USP37: variants seen among roughly 807,000 people sequenced by gnomAD.
The protein encoded by USP37 is ubiquitin specific peptidase 37, also known as ubiquitin carboxyl-terminal hydrolase 37.
A neutral mutation model predicts 124.0 loss-of-function variants in USP37; 27 were observed. The ratio of observed to expected loss-of-function variants is 0.22; its 90% confidence interval spans 0.16 to 0.30. USP37 has a LOEUF of 0.30. USP37 is among the 10% of genes least tolerant of loss of function. USP37 has a pLI of 1.00. For missense variants in USP37, 889 were observed against 1,140.4 expected, an observed-to-expected ratio of 0.78 and a Z score of 3.17; for synonymous variants, 365 against 388.0, an observed-to-expected ratio of 0.94 and a Z score of 0.70.
rs1055113228 is a variant in USP37 at position 218,469,955 on chromosome 2, G to C, written c.2300-3779C>G. ...CCTGCCTCAGCCTCCCAAGTAGCTG[G>C]GACTACAGGCGACCGCCACCATGCC... On this transcript the variant is annotated intron_variant, in intron 20 of 25. Transcript: ENST00000258399. 2.6e-5 allele frequency among the ~76,000 whole-genome samples: 4 copies of C among 151,832 alleles called. No homozygotes were observed. The East Asian group carries it at 7.7e-4, about 29-fold the overall frequency.
At position 218,455,106 on chromosome 2, in the gene USP37, A is replaced by G. The variant is rs1574827476; in HGVS notation, c.2853-89T>C. ...GGAGAAAAAGTAAAATAAAATTGAT[A>G]TGGATAAGGCCTTCACAATTCCATT... On this transcript the variant is annotated intron_variant, in intron 25 of 25. Coordinates refer to ENST00000258399, the MANE Select transcript of USP37 (RefSeq NM_020935.3). 4.8e-6 allele frequency: 7 copies of G among 1,462,856 alleles called. No individual in the cohort carries two copies. In the East Asian group the frequency reaches 1.6e-4, roughly 33 times the overall value. 90.6% of individuals were successfully genotyped at this position (1,462,856 alleles called of 1,614,324 possible). A position where few individuals can be genotyped will look rare whatever the true frequency, so the allele number is the denominator to read the frequency against.
chr2:218,463,530 CTTT>C (rs778154896), intron 21 of USP37, among the ~76,000 whole-genome samples, 164 bp from the exon 22 acceptor site: 5 of 99,098 alleles, frequency 5.0e-5, no homozygotes, highest in Admixed American at 1.1e-4. Context: ...AAGTTCTTTA[CTTT>C]TTTTTTTTTT....
At chr2:218,567,070 T>A (rs988913276) in intron 1 of USP37, among the ~76,000 whole-genome samples, 2 of 152,070 alleles carry the variant, frequency 1.3e-5, no homozygotes, top group Non-Finnish European at 2.9e-5. Flanking sequence ...GAAATAACAA[T>A]TTTTAAGTCA....
At chr2:218,495,543 T>C (rs112028940) in intron 14 of USP37, among the ~76,000 whole-genome samples, 25 of 152,300 alleles carry the variant, frequency 1.6e-4, no homozygotes, top group African/African-American at 5.5e-4. Context: ...TAAAAATTCA[T>C]TACTCGGGAG....
At chr2:218,565,187 T>G (rs1047511680) in intron 1 of USP37, among the ~76,000 whole-genome samples, 33 of 152,368 alleles carry the variant, frequency 2.2e-4, no homozygotes, top group Non-Finnish European at 8.8e-5. Flanking sequence ...TCTCCCGCAA[T>G]GCTGGGATTA....
intron 7 of USP37, among the ~76,000 whole-genome samples, chr2:218,546,559 T>C (rs1026269259): frequency 1.3e-5 from 2 of 152,132 alleles, no homozygotes; most frequent in African/African-American, 2.4e-5. Flanking sequence ...GCTGGGACTA[T>C]AGGCGTGTGC....
chr2:218,546,267 C>G lies in USP37; in HGVS notation c.634G>C (p.Gly212Arg). Residue 212 changes from glycine to arginine, a missense_variant, in exon 8 of 26, where the codon GGC (glycine) becomes CGC (arginine). By Grantham distance (125) the Gly-to-Arg change is moderately radical (BLOSUM62 -2). Coordinates refer to ENST00000258399, the MANE Select transcript of USP37 (RefSeq NM_020935.3). ...TEKRKRMIST[G>R]SELNEDYPKE... is the part of the protein sequence containing the mutation. ...GGGTAATCTTCATTCAATTCTGAGC[C>G]AGTTGATATCATTCTTTTCCTCTTT... The G allele has an allele frequency of 6.2e-7, 1 of 1,613,140 alleles. No homozygotes were observed. Among genetic ancestry groups the G allele is most frequent in the Non-Finnish European group, 8.5e-7 (1 of 1,179,802 alleles).
chr2:218,492,107 G>A (rs1030757351), intron 14 of USP37, among the ~76,000 whole-genome samples: 13 of 152,080 alleles, frequency 8.5e-5, no homozygotes, highest in African/African-American at 2.9e-4. Flanking sequence ...AGGCTGCGGC[G>A]GGAGGATTGC....
chr2:218,545,238 G>C (rs1026686913), intron 8 of USP37, among the ~76,000 whole-genome samples: 2 of 152,160 alleles, frequency 1.3e-5, no homozygotes, highest in Non-Finnish European at 2.9e-5. Flanking sequence ...CTCATAACCT[G>C]ATATAACCAT....
Position 218,496,655 on chromosome 2 carries a change from T to C in USP37, c.1282-705A>G, listed in dbSNP as rs180804576. On this transcript the variant is annotated intron_variant, in intron 13 of 25. Coordinates refer to ENST00000258399, the MANE Select transcript of USP37 (RefSeq NM_020935.3). ...AGCTCCTTAGGTTTTTCTTTCTTTC[T>C]TTCTTTCTTTGAGACAGATTTTCGC... Among the ~76,000 whole-genome samples the C allele has an allele frequency of 1.9e-4, 29 of 151,784 alleles. 1 individual carries two copies. Among genetic ancestry groups the C allele is most frequent in the Admixed American group, 1.8e-3 (28 of 15,202 alleles).
intron 9 of USP37, among the ~76,000 whole-genome samples, chr2:218,534,294 G>C (rs1359036686): frequency 6.6e-6 from 1 of 152,146 alleles, no homozygotes; most frequent in Non-Finnish European, 1.5e-5. Flanking sequence ...TTTGAAACTA[G>C]CCTGGCCAAT....
At chr2:218,457,003 C>T in intron 24 of USP37, 89 bp downstream of exon 24, 2 of 1,297,002 alleles carry the variant, frequency 1.5e-6, no homozygotes, top group South Asian at 2.7e-5. Flanking sequence ...GAAAAACACA[C>T]TTCACAAAGC....
chr2:218,513,073 C>T (rs1444734877), intron 10 of USP37, among the ~76,000 whole-genome samples: 2 of 152,010 alleles, frequency 1.3e-5, no homozygotes, highest in African/African-American at 4.8e-5. Context: ...ATTGTCTCCC[C>T]TCCGTTAGTC....
chr2:218,561,423 C>T (rs996435033), intron 2 of USP37, among the ~76,000 whole-genome samples: 2 of 152,010 alleles, frequency 1.3e-5, no homozygotes, highest in Non-Finnish European at 2.9e-5. Context: ...TTTGCGAGGC[C>T]GAGGTGGGCA....
intron 20 of USP37, among the ~76,000 whole-genome samples, chr2:218,471,692 AT>A (rs978551176): frequency 2.5e-4 from 38 of 149,708 alleles, no homozygotes; most frequent in Non-Finnish European, 2.4e-4. Flanking sequence ...GTCTCCCTTG[AT>A]TTTTTTTTTC....
At chr2:218,483,332 G>C (rs1174362395) in intron 16 of USP37, among the ~76,000 whole-genome samples, 1 of 152,100 alleles carries the variant, frequency 6.6e-6, no homozygotes, top group East Asian at 1.9e-4. Flanking sequence ...GAAAATGATA[G>C]TCAAAATCAC....
At position 218,530,012 on chromosome 2, in the gene USP37, A is replaced by G; in HGVS notation, c.807T>C (p.Phe269=). The G allele has an allele frequency of 6.2e-7, 1 of 1,613,546 alleles. No homozygotes were observed. Reference sequence around the variant, plus strand: ...CCTTGGATCCAGCTCTGCTACCATAAAAGGATGATGACTGTAAAGGTAAAA... The same window carrying G: ...CCTTGGATCCAGCTCTGCTACCATAGAAGGATGATGACTGTAAAGGTAAAA... The part of the protein sequence containing the change: ...SGLLPLQSSS[F]YGSRAGSKEH... Residue 269 remains phenylalanine (F), a synonymous_variant, in exon 10 of 26, where the codon TTT becomes TTC. Transcript: ENST00000258399.
intron 10 of USP37, among the ~76,000 whole-genome samples, chr2:218,515,827 C>T (rs1690245878): frequency 6.6e-6 from 1 of 152,120 alleles, no homozygotes; most frequent in African/African-American, 2.4e-5. Flanking sequence ...CAACAAGGAA[C>T]TTAAACAAAT....
chr2:218,563,495 T>C (rs1264038580), intron 1 of USP37, among the ~76,000 whole-genome samples: 1 of 152,240 alleles, frequency 6.6e-6, no homozygotes, highest in Non-Finnish European at 1.5e-5. Flanking sequence ...TTCCATAACA[T>C]GTTGATACTA....
Sources: gnomAD v4.1 joint callset for allele counts (sites outside exome capture counted in the v4.1 genomes callset) on GRCh38, gnomAD v4.1.1 for gene constraint, MANE v1.5 for transcripts, NCBI Gene and HGNC (gene_info 2026-07-23, HGNC 2026-07-21) for gene names.